The following FTO variants were observed in gnomAD, a reference collection of about 807,000 sequenced individuals.
The protein encoded by FTO is alpha-ketoglutarate-dependent dioxygenase FTO.
Under a neutral mutation model 63.9 loss-of-function variants are expected in FTO, and 47 were observed. The observed-to-expected ratio is 0.74, with a 90% confidence interval of 0.58 to 0.94. The LOEUF is 0.94. Among genes scored for constraint, FTO ranks in the 40% least tolerant of loss-of-function variants. The probability of loss-of-function intolerance (pLI) is 0.00; values close to 1 mark genes in which losing one functional copy is unlikely to be tolerated. For missense variants in FTO, 562 were observed against 618.1 expected (o/e 0.91, Z 0.96); for synonymous variants, 207 against 224.4 (o/e 0.92, Z 0.69).
chr16:53,876,770 T>G (rs2080666935), intron 5 of FTO, among the ~76,000 whole-genome samples: 2 of 151,964 alleles, frequency 1.3e-5, no homozygotes, highest in South Asian at 4.1e-4. Flanking sequence ...TTACTAAAAA[T>G]TCAAAAATTA....
At chr16:54,049,183 A>G (rs566598888) in intron 8 of FTO, among the ~76,000 whole-genome samples, 129 of 152,312 alleles carry the variant, frequency 8.5e-4, no homozygotes, top group African/African-American at 3.0e-3. Flanking sequence ...GGAAGCCACC[A>G]TTGTTCAACA....
intron 3 of FTO, among the ~76,000 whole-genome samples, chr16:53,834,336 G>T (rs1036120932): frequency 6.6e-6 from 1 of 152,070 alleles, no homozygotes; most frequent in Non-Finnish European, 1.5e-5. Flanking sequence ...AACTTTTGAT[G>T]ATATATTAAT....
chr16:53,740,758 A>G (rs770257737), intron 1 of FTO, among the ~76,000 whole-genome samples: 6 of 152,222 alleles, frequency 3.9e-5, no homozygotes, highest in Admixed American at 6.5e-5. Flanking sequence ...ATACCACACA[A>G]GAAGCTTTTC....
chr16:53,863,001 T>C (rs968445252), intron 4 of FTO, among the ~76,000 whole-genome samples: 1 of 152,226 alleles, frequency 6.6e-6, no homozygotes, highest in African/African-American at 2.4e-5. Context: ...AATTTGGTTT[T>C]TCTGCAGCAT....
rs769206684 is a variant in FTO at position 53,888,890 on chromosome 16, C to T, written c.1178C>T (p.Thr393Ile). The change falls in exon 7 of 9, where the codon ACT (threonine) becomes ATT (isoleucine). Residue 393 changes from threonine to isoleucine, a missense_variant. Thr to Ile is a moderately conservative substitution (Grantham distance 89). Transcript: ENST00000471389. ...WFQGNRYRKC[T>I]DWWCQPMAQL... The stretch of plus-strand genomic sequence containing the variant: ...CAAGGCAATCGATACAGAAAGTGCA[C>T]TGACTGGTGGTGTCAACCCATGGCT... The T allele has an allele frequency of 2.5e-6, 4 of 1,613,994 alleles. No individual in the cohort carries two copies. Among genetic ancestry groups the T allele is most frequent in the Non-Finnish European group, 3.4e-6 (4 of 1,179,880 alleles).
chr16:53,968,944 G>A (rs552344739), intron 8 of FTO, among the ~76,000 whole-genome samples: 3 of 152,326 alleles, frequency 2.0e-5, no homozygotes, highest in Admixed American at 1.3e-4. Flanking sequence ...TGGCTCAGAG[G>A]AAAGGAAACT....
At chr16:53,881,447 C>T (rs1213657623) in intron 6 of FTO, among the ~76,000 whole-genome samples, 1 of 152,170 alleles carries the variant, frequency 6.6e-6, no homozygotes, top group Non-Finnish European at 1.5e-5. Context: ...GCTATGTAAA[C>T]ATCCTTGCAA....
intron 8 of FTO, among the ~76,000 whole-genome samples, chr16:54,038,136 A>AT (rs1468170967): frequency 6.6e-6 from 1 of 152,214 alleles, no homozygotes; most frequent in African/African-American, 2.4e-5. Context: ...CTAAAGCTGC[A>AT]TTAAATTATG....
intron 8 of FTO, among the ~76,000 whole-genome samples, chr16:53,943,138 T>A (rs1479644402): frequency 1.3e-5 from 2 of 151,694 alleles, no homozygotes; most frequent in Admixed American, 1.3e-4. Flanking sequence ...TAAAACCTGA[T>A]AACTCCATAA....
chr16:53,914,294 G>A (rs1330781337), intron 7 of FTO, among the ~76,000 whole-genome samples: 8 of 147,248 alleles, frequency 5.4e-5, no homozygotes, highest in Admixed American at 1.4e-4. Context: ...ATTCTGTTTC[G>A]GAGTTCTCAG....
At chr16:53,822,634 C>G (rs966687386) in intron 2 of FTO, among the ~76,000 whole-genome samples, 2 of 152,182 alleles carry the variant, frequency 1.3e-5, no homozygotes, top group South Asian at 4.2e-4. Context: ...GGTGGTAGTA[C>G]TCATGTACTC....
Position 53,938,864 on chromosome 16 carries a change from C to T in FTO, c.1364+4755C>T, listed in dbSNP as rs535026141. On this transcript the variant is annotated intron_variant, in intron 8 of 8. Coordinates refer to ENST00000471389, the MANE Select transcript of FTO (RefSeq NM_001080432.3). ...CAGCACTTTGGGAGGCCTAGACGGG[C>T]GGATCATGAGGTCAGGAGATGCTGA... Among the ~76,000 whole-genome samples the T allele has an allele frequency of 1.1e-3, 160 of 151,364 alleles. 2 individuals carry two copies. Among genetic ancestry groups the T allele is most frequent in the Non-Finnish European group, 1.4e-3 (92 of 67,868 alleles).
chr16:53,944,780 T>A (rs1157523548), intron 8 of FTO, among the ~76,000 whole-genome samples: 1 of 152,204 alleles, frequency 6.6e-6, no homozygotes, highest in African/African-American at 2.4e-5. Context: ...ACCTGTAACG[T>A]ATTAGGTGTT....
chr16:53,823,396 T>A (rs181719323), intron 2 of FTO, among the ~76,000 whole-genome samples: 17 of 152,140 alleles, frequency 1.1e-4, no homozygotes, highest in Non-Finnish European at 2.1e-4. Flanking sequence ...CTCATTCATT[T>A]CTAGGCCTTT....
chr16:53,852,422 T>C (rs1050827107), intron 4 of FTO, among the ~76,000 whole-genome samples: 1 of 152,214 alleles, frequency 6.6e-6, no homozygotes. Context: ...TATAGATACT[T>C]TCTCTTGAAT....
At chr16:53,810,493 C>T (rs1390734884) in intron 2 of FTO, among the ~76,000 whole-genome samples, 1 of 152,208 alleles carries the variant, frequency 6.6e-6, no homozygotes, top group Non-Finnish European at 1.5e-5. Context: ...AGCTCCTCCT[C>T]CTTCCTTTTG....
intron 1 of FTO, among the ~76,000 whole-genome samples, chr16:53,737,358 A>G (rs1183198392): frequency 6.6e-6 from 1 of 152,142 alleles, no homozygotes; most frequent in African/African-American, 2.4e-5. Context: ...TGAACGTCAT[A>G]GAGTGCACTT....
chr16:54,069,367 G>A (rs76218845), intron 8 of FTO, among the ~76,000 whole-genome samples: 1 of 152,136 alleles, frequency 6.6e-6, no homozygotes, highest in Admixed American at 6.5e-5. Flanking sequence ...CATTCAGGGA[G>A]AGCCTACCTA....
At chr16:53,835,364 C>T (rs1421088) in intron 3 of FTO, among the ~76,000 whole-genome samples, 8,826 of 152,250 alleles carry the variant, frequency 0.058, 681 homozygotes, top group East Asian at 0.32. Flanking sequence ...TTTGGTGGAG[C>T]ATGTCCTACA....
Sources: gnomAD v4.1 joint callset for allele counts (sites outside exome capture counted in the v4.1 genomes callset) on GRCh38, gnomAD v4.1.1 for gene constraint, MANE v1.5 for transcripts, NCBI Gene and HGNC (gene_info 2026-07-23, HGNC 2026-07-21) for gene names.